Variants in GALNTL6 observed in about 807,000 individuals in gnomAD.
The protein encoded by GALNTL6 is polypeptide N-acetylgalactosaminyltransferase-like 6.
Under a neutral mutation model 73.7 loss-of-function variants are expected in GALNTL6, and 46 were observed. The ratio of observed to expected loss-of-function variants is 0.62; its 90% CI spans 0.49 to 0.80. GALNTL6 has a LOEUF of 0.80. Among genes scored for constraint, GALNTL6 ranks in the 30% least tolerant of loss-of-function variants. GALNTL6 has a pLI of 0.00. For missense variants in GALNTL6, 604 were observed against 755.0 expected (o/e 0.80, Z 2.34); for synonymous variants, 259 against 263.7 (o/e 0.98, Z 0.17).
intron 2 of GALNTL6, among the ~76,000 whole-genome samples, chr4:171,821,090 C>T (rs1453033110): frequency 6.6e-6 from 1 of 152,040 alleles, no homozygotes; most frequent in Non-Finnish European, 1.5e-5. Context: ...AGCTAGAGTG[C>T]AGTGGTGCAA....
intron 5 of GALNTL6, among the ~76,000 whole-genome samples, chr4:172,481,634 T>C (rs1733479157): frequency 6.6e-6 from 1 of 152,118 alleles, no homozygotes; most frequent in South Asian, 2.1e-4. Flanking sequence ...CTGATTGGTA[T>C]ATTTACAATC....
chr4:172,354,856 T>A (rs1381314770), intron 5 of GALNTL6, among the ~76,000 whole-genome samples: 2 of 152,128 alleles, frequency 1.3e-5, no homozygotes, highest in Non-Finnish European at 2.9e-5. Flanking sequence ...TAGTTATATA[T>A]CCTTATTGAG....
intron 2 of GALNTL6, among the ~76,000 whole-genome samples, chr4:172,048,346 T>G (rs565809189): frequency 6.6e-6 from 1 of 152,244 alleles, no homozygotes; most frequent in East Asian, 1.9e-4. Flanking sequence ...AAGCCAAAAC[T>G]TACACTTTCT....
intron 3 of GALNTL6, among the ~76,000 whole-genome samples, chr4:172,276,075 T>C (rs981633480): frequency 5.9e-5 from 9 of 152,212 alleles, no homozygotes; most frequent in African/African-American, 1.9e-4. Context: ...CACATCACAC[T>C]ATGGAGCCTA....
chr4:172,044,075 T>G (rs921541804), intron 2 of GALNTL6, among the ~76,000 whole-genome samples: 1 of 151,844 alleles, frequency 6.6e-6, no homozygotes, highest in African/African-American at 2.4e-5. Context: ...TTGGTTAAGA[T>G]CTCTAGGATC....
chr4:171,870,215 T>C lies in GALNTL6; in HGVS notation c.138+55497T>C, dbSNP rs552817460. Among the ~76,000 whole-genome samples the C allele has an allele frequency of 4.6e-5, 7 of 152,308 alleles. No individual in the cohort carries two copies. The East Asian group carries it at 7.7e-4, about 17-fold the overall frequency. On this transcript the variant is annotated intron_variant, in intron 2 of 12. Coordinates refer to ENST00000506823, the MANE Select transcript of GALNTL6 (RefSeq NM_001034845.3). ...CAGTTCCCTTTACAATGAGTATGAT[T>C]ATGTGGCTAACTTCAGGTTAATGGT...
At chr4:172,007,076 T>C (rs1000986492) in intron 2 of GALNTL6, among the ~76,000 whole-genome samples, 1 of 152,146 alleles carries the variant, frequency 6.6e-6, no homozygotes, top group African/African-American at 2.4e-5. Context: ...TAATGAAAGA[T>C]AAATAAATTG....
intron 2 of GALNTL6, among the ~76,000 whole-genome samples, chr4:171,942,891 A>G (rs1207551498): frequency 6.6e-6 from 1 of 152,210 alleles, no homozygotes; most frequent in African/African-American, 2.4e-5. Flanking sequence ...AAGTAATACA[A>G]CTGAGGCTCA....
At chr4:172,387,883 T>G (rs980206531) in intron 5 of GALNTL6, among the ~76,000 whole-genome samples, 1 of 152,122 alleles carries the variant, frequency 6.6e-6, no homozygotes, top group African/African-American at 2.4e-5. Context: ...TCTGAGACAT[T>G]TTCAAACAAC....
intron 2 of GALNTL6, among the ~76,000 whole-genome samples, chr4:172,219,494 A>G (rs1406385172): frequency 2.6e-5 from 4 of 151,700 alleles, no homozygotes; most frequent in Non-Finnish European, 4.4e-5. Context: ...TTTGATGGCA[A>G]GCTATAATTA....
chr4:172,130,085 T>C (rs764581803), intron 2 of GALNTL6, among the ~76,000 whole-genome samples: 4 of 152,068 alleles, frequency 2.6e-5, no homozygotes, highest in Non-Finnish European at 5.9e-5. Flanking sequence ...AATTACATCA[T>C]TGTTTTGAGG....
At chr4:172,912,273 A>G in intron 8 of GALNTL6, among the ~76,000 whole-genome samples, 1 of 152,242 alleles carries the variant, frequency 6.6e-6, no homozygotes, top group East Asian at 1.9e-4. Flanking sequence ...CCAAATAGGA[A>G]CAGCTCCAGT....
chr4:172,609,141 C>G (rs1430567128), intron 5 of GALNTL6, among the ~76,000 whole-genome samples: 1 of 152,062 alleles, frequency 6.6e-6, no homozygotes. Context: ...TTTCTCTTGC[C>G]TGATTGCTCG....
chr4:172,868,558 A>G (rs1004982239), intron 7 of GALNTL6, among the ~76,000 whole-genome samples: 8 of 152,230 alleles, frequency 5.3e-5, no homozygotes, highest in African/African-American at 1.4e-4. Context: ...TGCAAGCTCT[A>G]TAAATTCCAA....
intron 5 of GALNTL6, among the ~76,000 whole-genome samples, chr4:172,488,136 A>G (rs1368774514): frequency 6.6e-6 from 1 of 152,198 alleles, no homozygotes; most frequent in Non-Finnish European, 1.5e-5. Flanking sequence ...TTCTCAGTGT[A>G]GCTACCTCAC....
At chr4:172,449,265 A>G (rs954469280) in intron 5 of GALNTL6, among the ~76,000 whole-genome samples, 4 of 152,184 alleles carry the variant, frequency 2.6e-5, no homozygotes, top group African/African-American at 9.6e-5. Context: ...CCGTCCATGT[A>G]CTAAACATGT....
In GALNTL6 at chr4:171,898,100, G is replaced by A. The variant is rs969154284; in HGVS notation, c.138+83382G>A. ...ATGTGACATTTGACAAAAGATATAT[G>A]AAAGGCAAATAAACATCAGAAAAGC... is the stretch of plus-strand genomic sequence containing the variant. On this transcript the variant is annotated intron_variant, in intron 2 of 12. Transcript: ENST00000506823. 7.9e-5 allele frequency among the ~76,000 whole-genome samples: 12 copies of A among 152,092 alleles called. No individual in the cohort carries two copies. The East Asian group carries it at 2.3e-3, about 30-fold the overall frequency.
intron 7 of GALNTL6, among the ~76,000 whole-genome samples, chr4:172,833,700 G>A (rs1333783194): frequency 1.3e-5 from 2 of 152,172 alleles, no homozygotes; most frequent in Non-Finnish European, 2.9e-5. Flanking sequence ...TCTGCAATAA[G>A]AGAATATTAT....
intron 2 of GALNTL6, among the ~76,000 whole-genome samples, chr4:172,109,873 A>G (rs889582214): frequency 1.3e-5 from 2 of 152,202 alleles, no homozygotes; most frequent in Non-Finnish European, 2.9e-5. Flanking sequence ...TCTTGGTGGG[A>G]TCTCAAGAAA....
Sources: gnomAD v4.1 joint callset for allele counts (sites outside exome capture counted in the v4.1 genomes callset) on GRCh38, gnomAD v4.1.1 for gene constraint, MANE v1.5 for transcripts, NCBI Gene and HGNC (gene_info 2026-07-23, HGNC 2026-07-21) for gene names.